DMD: variants seen among roughly 807,000 people sequenced by gnomAD.
The protein encoded by DMD is mutant dystrophin.
DMD carries 63 observed loss-of-function variants against 330.1 expected under a neutral mutation model. The observed-to-expected ratio is 0.19, with a 90% CI of 0.16 to 0.24. DMD has a LOEUF of 0.24. Among genes scored for constraint, DMD ranks in the 10% least tolerant of loss-of-function variants. The probability of loss-of-function intolerance (pLI) is 1.00; values close to 1 mark genes in which losing one functional copy is unlikely to be tolerated. For synonymous variants in DMD, 1,223 were observed against 959.8 expected (o/e 1.27, Z -5.07); for missense variants, 3,344 against 2,684.1 (o/e 1.25, Z -5.43).
In DMD at chrX:32,140,726, G is replaced by T. The variant is rs181035884; in HGVS notation, c.6438+76190C>A. Among the ~76,000 whole-genome samples, 234 of 110,436 alleles carry T rather than the reference G, an allele frequency of 2.1e-3. 1 individual carries two copies. Among genetic ancestry groups the T allele is most frequent in the Non-Finnish European group, 3.0e-3 (157 of 53,050 alleles). ...GAAGCAGAAGAGAAAATGTGGAGAC[G>T]CAAGAGCAGAAACCCCTGATAAAAC... On this transcript the variant is annotated intron_variant, in intron 44 of 78. Transcript: ENST00000357033.
chrX:31,422,002 C>T (rs189219335), intron 60 of DMD, among the ~76,000 whole-genome samples: 1,658 of 64,353 alleles, frequency 0.026, 71 homozygotes, highest in African/African-American at 0.14. Flanking sequence ...TATACACACA[C>T]ATATATATAT....
At position 32,720,976 on chromosome X, in the gene DMD, TTC is replaced by T. The variant is rs1202079529; in HGVS notation, c.650-21685_650-21684del. 2.7e-5 allele frequency among the ~76,000 whole-genome samples: 3 copies of T among 111,464 alleles called. No individual in the cohort carries two copies. In the South Asian group the frequency reaches 1.1e-3, roughly 42 times the overall value. On this transcript the variant is annotated intron_variant, in intron 7 of 78. Transcript: ENST00000357033. ...ATGTTAGATAACGTAGCATATTTTTTTCTGTGTCTTGCTTATTTCACTTAGTG... is the reference window on the plus strand; with the variant it reads ...ATGTTAGATAACGTAGCATATTTTTTTGTGTCTTGCTTATTTCACTTAGTG...
At chrX:31,688,794 G>C (rs1441522624) in intron 52 of DMD, among the ~76,000 whole-genome samples, 2 of 111,488 alleles carry the variant, frequency 1.8e-5, no homozygotes, top group African/African-American at 6.5e-5. Flanking sequence ...CTTCATCCCT[G>C]GGATGCAAGG....
chrX:32,609,313 T>G (rs768109217), intron 12 of DMD, among the ~76,000 whole-genome samples: 1 of 111,080 alleles, frequency 9.0e-6, no homozygotes, highest in Admixed American at 9.6e-5. Context: ...TAAGTTTTCC[T>G]AAATTGCTGC....
intron 77 of DMD, among the ~76,000 whole-genome samples, chrX:31,129,469 C>T (rs1427763943): frequency 1.8e-5 from 2 of 111,653 alleles, no homozygotes; most frequent in African/African-American, 3.3e-5. Flanking sequence ...GAATGGACAA[C>T]GAAATAATAG....
intron 29 of DMD, among the ~76,000 whole-genome samples, chrX:32,429,048 G>T (rs1401814487): frequency 9.0e-6 from 1 of 110,913 alleles, no homozygotes; most frequent in East Asian, 2.8e-4. Context: ...CGGAAAATCT[G>T]TTTCCATTTT....
At chrX:33,258,340 A>G (rs2052893472) in intron 1 of DMD, among the ~76,000 whole-genome samples, 1 of 111,254 alleles carries the variant, frequency 9.0e-6, no homozygotes, top group South Asian at 3.7e-4. Flanking sequence ...GTTTGGAAAC[A>G]TAGTGTAAAT....
chrX:31,907,244 TATC>T (rs1475754255), intron 47 of DMD, among the ~76,000 whole-genome samples: 2 of 111,551 alleles, frequency 1.8e-5, no homozygotes, highest in Admixed American at 1.9e-4. Flanking sequence ...AAGGGTATAT[TATC>T]ATGCAAGTCA....
At chrX:32,177,239 T>A (rs1268284886) in intron 44 of DMD, among the ~76,000 whole-genome samples, 1 of 111,872 alleles carries the variant, frequency 8.9e-6, no homozygotes, top group Non-Finnish European at 1.9e-5. Flanking sequence ...TTCTCCACAC[T>A]TCAGCGAAAG....
chrX:33,126,158 G>A (rs184298228), intron 1 of DMD, among the ~76,000 whole-genome samples: 36 of 111,539 alleles, frequency 3.2e-4, no homozygotes, highest in Non-Finnish European at 5.3e-4. Flanking sequence ...AGTTTCAGCA[G>A]GAATACAATT....
rs772321753 is a variant in DMD at position 31,831,895 on chromosome X, C to T, written c.7200+4823G>A. 2.7e-5 allele frequency among the ~76,000 whole-genome samples: 3 copies of T among 112,695 alleles called. No individual in the cohort carries two copies. In the South Asian group the frequency reaches 1.1e-3, roughly 41 times the overall value. ...GGTATTACAGGCGCGAGCCACCGCG[C>T]CCAGTCGCAAACTTGTAATTTAAAA... On this transcript the variant is annotated intron_variant, in intron 49 of 78. Coordinates refer to ENST00000357033, the MANE Select transcript of DMD (RefSeq NM_004006.3).
chrX:32,723,316 C>A (rs1470303966), intron 7 of DMD, among the ~76,000 whole-genome samples: 2 of 110,900 alleles, frequency 1.8e-5, no homozygotes, highest in African/African-American at 6.6e-5. Flanking sequence ...TGTTATTTGT[C>A]TTGCTAATAC....
At chrX:32,827,065 C>CCCGA (rs767139724) in intron 4 of DMD, among the ~76,000 whole-genome samples, 1 of 68,986 alleles carries the variant, frequency 1.4e-5, no homozygotes, top group African/African-American at 6.5e-5. Context: ...CACCCCCCCC[C>CCCGA]CACACACACA....
chrX:31,958,460 T>C (rs2095268775), intron 45 of DMD, among the ~76,000 whole-genome samples: 1 of 111,591 alleles, frequency 9.0e-6, no homozygotes, highest in African/African-American at 3.3e-5. Context: ...TGTGGTAGGT[T>C]TTCCCTGATT....
intron 7 of DMD, among the ~76,000 whole-genome samples, chrX:32,768,356 C>A (rs1371266066): frequency 9.0e-6 from 1 of 111,589 alleles, no homozygotes. Context: ...AACAAAATTG[C>A]TTTATACCGT....
rs765940467 is a variant in DMD at position 32,014,002 on chromosome X, A to C, written c.6439-45488T>G. ...ATCATTTACAAGTTCAATTTAATGT[A>C]TATGGAAATCATAGTGCATATCAGT... On this transcript the variant is annotated intron_variant, in intron 44 of 78. Coordinates refer to ENST00000357033, the MANE Select transcript of DMD (RefSeq NM_004006.3). Among the ~76,000 whole-genome samples the C allele has an allele frequency of 9.8e-3, 1,098 of 112,549 alleles. 16 individuals are homozygous for C. Among genetic ancestry groups the C allele is most frequent in the African/African-American group, 0.033 (1,015 of 31,030 alleles).
chrX:31,478,843 A>G, intron 58 of DMD, 140 bp downstream of exon 58: 1 of 631,641 alleles, frequency 1.6e-6, no homozygotes, highest in Non-Finnish European at 2.4e-6. Context: ...TTTTTTCAGC[A>G]TCTATGTTTA....
intron 7 of DMD, among the ~76,000 whole-genome samples, chrX:32,761,859 T>G (rs969984354): frequency 9.0e-6 from 1 of 111,199 alleles, no homozygotes; most frequent in Admixed American, 9.6e-5. Context: ...TACTTAAACC[T>G]GAGTCCTCGG....
intron 2 of DMD, among the ~76,000 whole-genome samples, chrX:32,978,035 A>G (rs2092603222): frequency 8.9e-6 from 1 of 112,192 alleles, no homozygotes; most frequent in Admixed American, 9.5e-5. Flanking sequence ...TGACAAAACT[A>G]TTACCAGTTA....
Sources: allele counts gnomAD v4.1 joint callset (sites outside exome capture counted in the v4.1 genomes callset), GRCh38; gene constraint gnomAD v4.1.1; transcripts MANE v1.5; gene names NCBI Gene and HGNC (gene_info 2026-07-23, HGNC 2026-07-21).